The following PLCG2 variants were observed in gnomAD, a reference collection of about 807,000 sequenced individuals.
PLCG2 encodes the protein phospholipase C gamma 2, also known as 1-phosphatidylinositol 4,5-bisphosphate phosphodiesterase gamma-2.
PLCG2 carries 69 observed loss-of-function variants against 175.6 expected under a neutral mutation model. That is an observed-to-expected ratio of 0.39 (90% confidence interval 0.32 to 0.48). The LOEUF (loss-of-function observed/expected upper bound fraction) is 0.48. PLCG2 is among the 20% of genes least tolerant of loss of function. The pLI is 0.91. For synonymous variants in PLCG2, 827 were observed against 624.0 expected, an observed-to-expected ratio of 1.33 and a Z score of -4.85; for missense variants, 1,798 against 1,650.9, an observed-to-expected ratio of 1.09 and a Z score of -1.54.
chr16:81,787,393 A>ATTTTTTTTTT (rs67160306), intron 2 of PLCG2, among the ~76,000 whole-genome samples: 14,157 of 94,052 alleles, frequency 0.15, 2,118 homozygotes, highest in Non-Finnish European at 0.18. Context: ...GGATAATTTA[A>ATTTTTTTTTT]TTTTTTTTTT....
At chr16:81,830,680 A>ATTT (rs1905225228) in intron 2 of PLCG2, among the ~76,000 whole-genome samples, 1 of 151,574 alleles carries the variant, frequency 6.6e-6, no homozygotes, top group Admixed American at 6.6e-5. Context: ...ATATATATAT[A>ATTT]CACACATATA....
intron 2 of PLCG2, among the ~76,000 whole-genome samples, chr16:81,820,416 A>T (rs1055507753): frequency 3.3e-5 from 5 of 152,194 alleles, no homozygotes; most frequent in Non-Finnish European, 7.3e-5. Flanking sequence ...ACATGGAATG[A>T]AACAGTAGAC....
chr16:81,955,660 A>T (rs959400383), intron 31 of PLCG2, among the ~76,000 whole-genome samples: 1 of 152,178 alleles, frequency 6.6e-6, no homozygotes, highest in African/African-American at 2.4e-5. Flanking sequence ...TTCTTGACTC[A>T]ATAGCAACGT....
rs141137598 is a variant in PLCG2, at chr16:81,929,975, C to G, written c.2581+1351C>G. Among the ~76,000 whole-genome samples, 311 of 152,294 alleles carry G rather than the reference C, an allele frequency of 2.0e-3. 3 individuals carry two copies. The highest frequency in any genetic ancestry group is 2.1e-3 in the Non-Finnish European group (144 of 68,028). Reference sequence around the variant, plus strand: ...TTGGAGTCAGGTTTGAACTGAGCCTCAGTTTTACTACTACTAGCTGTATGA... The same window carrying G: ...TTGGAGTCAGGTTTGAACTGAGCCTGAGTTTTACTACTACTAGCTGTATGA... On this transcript the variant is annotated intron_variant, in intron 24 of 32. Coordinates refer to ENST00000564138, the MANE Select transcript of PLCG2 (RefSeq NM_002661.5).
upstream of PLCG2, among the ~76,000 whole-genome samples, chr16:81,776,425 C>G (rs1910409480): frequency 6.6e-6 from 1 of 151,170 alleles, no homozygotes; most frequent in Non-Finnish European, 1.5e-5. Context: ...GGTTTCTTTC[C>G]CTACCTATTT....
Position 81,958,031 on chromosome 16 carries a change from T to C in PLCG2, c.*33T>C, listed in dbSNP as rs929160343. On this transcript the variant is annotated 3_prime_UTR_variant, in exon 33 of 33. Coordinates refer to ENST00000564138, the MANE Select transcript of PLCG2 (RefSeq NM_002661.5). ...GGTATGTGTGTAAGGGTATTGTGTG[T>C]GTGCGCATGTGTGTTTGCATGTAGG... The C allele has an allele frequency of 6.8e-7, 1 of 1,468,646 alleles. No individual in the cohort carries two copies. The highest frequency in any genetic ancestry group is 9.5e-7 in the Non-Finnish European group (1 of 1,047,536). 91.0% of individuals were successfully genotyped at this position (1,468,646 alleles called of 1,614,324 possible).
chr16:81,899,448 C>T (rs889623815), intron 13 of PLCG2, among the ~76,000 whole-genome samples: 1 of 152,012 alleles, frequency 6.6e-6, no homozygotes, highest in South Asian at 2.1e-4. Context: ...TGACTTGTAA[C>T]CCCAAATCAA....
In PLCG2 at chr16:81,912,707, T is replaced by C. The variant is rs1909681363; in HGVS notation, c.2045T>C (p.Ile682Thr). 1 of 1,607,072 alleles carries C rather than the reference T, an allele frequency of 6.2e-7. No homozygotes were observed. The highest frequency in any genetic ancestry group is 1.3e-5 in the African/African-American group (1 of 74,824). Residue 682 changes from isoleucine to threonine, a missense_variant, in exon 19 of 33, where the codon ATC becomes ACC. Coordinates refer to ENST00000564138, the MANE Select transcript of PLCG2 (RefSeq NM_002661.5). ...RKREGSDSYA[I>T]TFRARGKVKH... ...CGAGAGGGGAGCGACTCCTATGCCA[T>C]CACCTTCAGGTGGGTGCGAGGGTGG...
chr16:81,747,613 G>C (rs1196305760), intron 1 of PLCG2, among the ~76,000 whole-genome samples: 1 of 152,102 alleles, frequency 6.6e-6, no homozygotes, highest in Non-Finnish European at 1.5e-5. Context: ...TGTGGATAGA[G>C]GATGAGTTAC....
At chr16:81,902,369 T>G (rs1181069999) in intron 14 of PLCG2, among the ~76,000 whole-genome samples, 14 of 152,164 alleles carry the variant, frequency 9.2e-5, no homozygotes, top group Non-Finnish European at 1.9e-4. Context: ...AGGCTGGAAG[T>G]TCAAGGTCAG....
At chr16:81,789,842 T>A (rs1911148920) in intron 2 of PLCG2, among the ~76,000 whole-genome samples, 1 of 143,870 alleles carries the variant, frequency 7.0e-6, no homozygotes, top group Admixed American at 7.0e-5. Context: ...CTTCCCACCT[T>A]TGCCCCCCCT....
chr16:81,934,000 G>A (rs1910609263), intron 25 of PLCG2, among the ~76,000 whole-genome samples: 1 of 152,236 alleles, frequency 6.6e-6, no homozygotes, highest in South Asian at 2.1e-4. Flanking sequence ...CAGGTTTTGA[G>A]GGTGCAGGGG....
At chr16:81,821,764 G>A (rs1258573651) in intron 2 of PLCG2, among the ~76,000 whole-genome samples, 2 of 152,200 alleles carry the variant, frequency 1.3e-5, no homozygotes, top group Non-Finnish European at 2.9e-5. Context: ...GCAACTGGGG[G>A]CAGTGGCAAA....
chr16:81,906,509 C>G (rs1375140855), intron 15 of PLCG2: 3 of 152,218 alleles, frequency 2.0e-5, no homozygotes, highest in Non-Finnish European at 4.4e-5. Flanking sequence ...ACCACAGACT[C>G]CACCTCCCGG....
intron 7 of PLCG2, among the ~76,000 whole-genome samples, chr16:81,878,134 C>T (rs1248299258): frequency 1.3e-5 from 2 of 151,778 alleles, no homozygotes; most frequent in Non-Finnish European, 2.9e-5. Context: ...AGGCGCCCAC[C>T]ACCACGCCTG....
At chr16:81,756,918 C>T (rs1450055668) in intron 2 of PLCG2, among the ~76,000 whole-genome samples, 2 of 152,298 alleles carry the variant, frequency 1.3e-5, no homozygotes, top group Middle Eastern at 3.4e-3. Flanking sequence ...CACACCGCGC[C>T]TCTACGCCTG....
At chr16:81,936,934 C>A (rs1384676615) in intron 27 of PLCG2, among the ~76,000 whole-genome samples, 1 of 151,918 alleles carries the variant, frequency 6.6e-6, no homozygotes, top group African/African-American at 2.4e-5. Flanking sequence ...TTAATAAGTC[C>A]CCGTGGAGGC....
intron 2 of PLCG2, among the ~76,000 whole-genome samples, chr16:81,807,373 C>T (rs1442474438): frequency 1.3e-5 from 2 of 152,182 alleles, no homozygotes; most frequent in Non-Finnish European, 1.5e-5. Context: ...ATCCTGGGCT[C>T]TGCCTTCTGG....
intron 1 of PLCG2, among the ~76,000 whole-genome samples, chr16:81,783,502 C>G (rs1292586595): frequency 6.6e-6 from 1 of 152,152 alleles, no homozygotes; most frequent in Non-Finnish European, 1.5e-5. Context: ...TAATATCTGG[C>G]CAGATGCTGC....
Sources: allele counts gnomAD v4.1 joint callset (sites outside exome capture counted in the v4.1 genomes callset), GRCh38; gene constraint gnomAD v4.1.1; transcripts MANE v1.5; gene names NCBI Gene and HGNC (gene_info 2026-07-23, HGNC 2026-07-21).